The following PTPRG variants were observed in gnomAD, a reference collection of about 807,000 sequenced individuals.
PTPRG encodes receptor-type tyrosine-protein phosphatase gamma.
A neutral mutation model predicts 165.3 loss-of-function variants in PTPRG; 102 were observed. That is an observed-to-expected ratio of 0.62 (90% CI 0.53 to 0.73). The LOEUF is 0.73. Ranked by LOEUF, PTPRG falls within the 30% of genes least tolerant of loss-of-function variation. The probability of loss-of-function intolerance (pLI) is 0.00; values close to 1 mark genes in which losing one functional copy is unlikely to be tolerated. For synonymous variants in PTPRG, 675 were observed against 669.5 expected, an observed-to-expected ratio of 1.01 and a Z score of -0.13; for missense variants, 1,866 against 1,861.4, an observed-to-expected ratio of 1.00 and a Z score of -0.05.
intron 28 of PTPRG, among the ~76,000 whole-genome samples, chr3:62,288,672 CAA>C (rs781432160): frequency 2.2e-4 from 18 of 81,626 alleles, no homozygotes; most frequent in East Asian, 3.4e-4. Flanking sequence ...TACTCCGTCA[CAA>C]AAAAAAAAAA....
intron 1 of PTPRG, among the ~76,000 whole-genome samples, chr3:61,723,552 G>T (rs1311025959): frequency 6.6e-6 from 1 of 152,128 alleles, no homozygotes; most frequent in Non-Finnish European, 1.5e-5. Flanking sequence ...GCTACTGTTA[G>T]ATTATCTTTA....
At chr3:61,590,221 C>CAAAA (rs11348723) in intron 1 of PTPRG, among the ~76,000 whole-genome samples, 3 of 142,550 alleles carry the variant, frequency 2.1e-5, no homozygotes, top group African/African-American at 5.2e-5. Context: ...TTTCTTTAAT[C>CAAAA]AAAAAAAAAA....
chr3:61,945,047 C>T (rs1474618093), intron 2 of PTPRG, among the ~76,000 whole-genome samples: 1 of 152,180 alleles, frequency 6.6e-6, no homozygotes, highest in African/African-American at 2.4e-5. Flanking sequence ...TCTTTGTCGT[C>T]TTTTCTCCAC....
At chr3:62,010,243 A>G (rs1454530368) in intron 4 of PTPRG, among the ~76,000 whole-genome samples, 1 of 152,094 alleles carries the variant, frequency 6.6e-6, no homozygotes, top group African/African-American at 2.4e-5. Context: ...TGGATGAAAT[A>G]CTTTCTTGAA....
At chr3:61,985,537 TG>T (rs1047347169) in intron 2 of PTPRG, among the ~76,000 whole-genome samples, 3 of 152,192 alleles carry the variant, frequency 2.0e-5, no homozygotes, top group African/African-American at 7.2e-5. Context: ...CTTTGGTATC[TG>T]GGTACCTCAT....
intron 13 of PTPRG, among the ~76,000 whole-genome samples, chr3:62,220,762 T>C (rs944578921): frequency 1.3e-5 from 2 of 152,196 alleles, no homozygotes; most frequent in African/African-American, 4.8e-5. Flanking sequence ...GTTTAACTAA[T>C]CAAGTGAGGT....
At chr3:62,244,755 A>C (rs1701252885) in intron 15 of PTPRG, among the ~76,000 whole-genome samples, 1 of 152,162 alleles carries the variant, frequency 6.6e-6, no homozygotes, top group African/African-American at 2.4e-5. Flanking sequence ...TCTTCCCACT[A>C]CAATGAGAGC....
intron 2 of PTPRG, among the ~76,000 whole-genome samples, chr3:61,881,368 G>T (rs1472425336): frequency 6.6e-6 from 1 of 152,154 alleles, no homozygotes; most frequent in African/African-American, 2.4e-5. Flanking sequence ...GAACAATGGT[G>T]GTGGTAACAT....
rs562420562 is a variant in PTPRG at position 61,995,949 on chromosome 3, A to G, written c.370+6145A>G. On this transcript the variant is annotated intron_variant, in intron 3 of 29. Coordinates refer to ENST00000474889, the MANE Select transcript of PTPRG (RefSeq NM_002841.4). Reference sequence around the variant, plus strand: ...TTTTTGTTGTTTCATTCTCTCCCGCATTTCCTCCTGTGTCTTCTTGCATTT... The same window carrying G: ...TTTTTGTTGTTTCATTCTCTCCCGCGTTTCCTCCTGTGTCTTCTTGCATTT... Among the ~76,000 whole-genome samples, 14 of 151,116 alleles carry G rather than the reference A, an allele frequency of 9.3e-5. No homozygotes were observed. The South Asian group carries it at 2.5e-3, about 27-fold the overall frequency.
chr3:61,727,152 G>A (rs1294659315), intron 1 of PTPRG, among the ~76,000 whole-genome samples: 1 of 151,994 alleles, frequency 6.6e-6, no homozygotes, highest in Non-Finnish European at 1.5e-5. Context: ...GAGAGGAATA[G>A]ACCTGGAGCC....
rs545040528 is a variant in PTPRG at position 62,296,378 on chromosome 3, T to C, written c.*3071T>C. On this transcript the variant is annotated 3_prime_UTR_variant, in exon 30 of 30. Coordinates refer to ENST00000474889, the MANE Select transcript of PTPRG (RefSeq NM_002841.4). ...AAATCAGTAAATAATTATTTTATAA[T>C]GACACAGCACAACTGCCTTGTTATG... 6.6e-6 allele frequency: 1 copy of C among 152,074 alleles called. No homozygotes were observed. The highest frequency in any genetic ancestry group is 2.4e-5 in the African/African-American group (1 of 41,498). The allele number at this position is 152,074 out of a possible 1,614,324, so 9.4% of individuals were successfully genotyped here.
At chr3:61,678,929 T>C (rs1030443118) in intron 1 of PTPRG, among the ~76,000 whole-genome samples, 1 of 152,130 alleles carries the variant, frequency 6.6e-6, no homozygotes, top group Admixed American at 6.5e-5. Context: ...CTGTATTATG[T>C]GCAATTTTTT....
At position 61,895,354 on chromosome 3, in the gene PTPRG, G is replaced by A. The variant is rs117893849; in HGVS notation, c.191-94271G>A. On this transcript the variant is annotated intron_variant, in intron 2 of 29. Coordinates refer to ENST00000474889, the MANE Select transcript of PTPRG (RefSeq NM_002841.4). ...CCCTTTCATGTAAACTTCCTGCTTA[G>A]CAACAGAATAGAGTACCTTCATGGT... Among the ~76,000 whole-genome samples the A allele has an allele frequency of 8.5e-5, 13 of 152,312 alleles. No individual in the cohort carries two copies. The East Asian group carries it at 2.5e-3, about 29-fold the overall frequency.
At chr3:62,066,700 G>T (rs1300306883) in intron 4 of PTPRG, among the ~76,000 whole-genome samples, 1 of 152,166 alleles carries the variant, frequency 6.6e-6, no homozygotes. Flanking sequence ...AGCCATTGCA[G>T]TCACCTCAAG....
chr3:61,569,126 A>G (rs1323354103), intron 1 of PTPRG, among the ~76,000 whole-genome samples: 2 of 152,064 alleles, frequency 1.3e-5, no homozygotes, highest in Non-Finnish European at 2.9e-5. Context: ...TTGCCATACT[A>G]TTTTGTCAGC....
chr3:61,593,044 C>T (rs1217461752), intron 1 of PTPRG, among the ~76,000 whole-genome samples: 6 of 152,172 alleles, frequency 3.9e-5, no homozygotes, highest in African/African-American at 1.4e-4. Flanking sequence ...AGCAGCATCA[C>T]CATTACCTGG....
At chr3:62,108,162 G>A (rs111710742) in intron 5 of PTPRG, among the ~76,000 whole-genome samples, 35,187 of 151,516 alleles carry the variant, frequency 0.23, 4,327 homozygotes, top group Middle Eastern at 0.28. Flanking sequence ...CGTCACCTAC[G>A]TTAGATATTT....
chr3:62,133,518 C>G (rs544318435), intron 6 of PTPRG, among the ~76,000 whole-genome samples: 35 of 152,184 alleles, frequency 2.3e-4, no homozygotes, highest in Non-Finnish European at 4.3e-4. Context: ...CATCTTCCCC[C>G]TCTCTTTCCG....
chr3:61,885,673 T>TCC (rs2038011726), intron 2 of PTPRG, among the ~76,000 whole-genome samples: 1 of 69,718 alleles, frequency 1.4e-5, no homozygotes. Context: ...TCTCCTCTCC[T>TCC]CTCCTCTCCT....
Sources: allele counts gnomAD v4.1 joint callset (sites outside exome capture counted in the v4.1 genomes callset), GRCh38; gene constraint gnomAD v4.1.1; transcripts MANE v1.5; gene names NCBI Gene and HGNC (gene_info 2026-07-23, HGNC 2026-07-21).